The following MEF2A variants were observed in gnomAD, a reference collection of about 807,000 sequenced individuals.
MEF2A encodes myocyte-specific enhancer factor 2A.
Under a neutral mutation model 55.8 loss-of-function variants are expected in MEF2A, and 28 were observed. That is an observed-to-expected ratio of 0.50 (90% confidence interval 0.37 to 0.69). The LOEUF (loss-of-function observed/expected upper bound fraction) is 0.69, where lower values mean the gene tolerates loss of function less well. MEF2A is among the 30% of genes least tolerant of loss of function. The pLI, the probability that MEF2A is intolerant of heterozygous loss-of-function variation, is 0.00. For missense variants in MEF2A, 528 were observed against 626.2 expected (o/e 0.84, Z 1.67); for synonymous variants, 239 against 227.1 (o/e 1.05, Z -0.47).
chr15:99,634,654 A>G (rs1259167831), intron 3 of MEF2A, among the ~76,000 whole-genome samples: 3 of 152,226 alleles, frequency 2.0e-5, no homozygotes, highest in Admixed American at 6.5e-5. Flanking sequence ...TCACATTTGT[A>G]GAGAGAAAGA....
At chr15:99,685,465 G>A (rs2054047936) in intron 7 of MEF2A, among the ~76,000 whole-genome samples, 1 of 151,502 alleles carries the variant, frequency 6.6e-6, no homozygotes, top group Non-Finnish European at 1.5e-5. Flanking sequence ...GTTGCAAAAA[G>A]CGTTGAGTTC....
At chr15:99,613,297 G>T (rs1396854713) in intron 2 of MEF2A, among the ~76,000 whole-genome samples, 1 of 152,114 alleles carries the variant, frequency 6.6e-6, no homozygotes, top group Non-Finnish European at 1.5e-5. Flanking sequence ...GTTGAATCCG[G>T]TGTTCTTTTA....
chr15:99,671,607 A>T, intron 5 of MEF2A, 153 bp downstream of exon 5: 1 of 1,596,052 alleles, frequency 6.3e-7, no homozygotes, highest in Non-Finnish European at 8.5e-7. Flanking sequence ...AGAAAAATAT[A>T]AAAAAATTAA....
intron 1 of MEF2A, among the ~76,000 whole-genome samples, chr15:99,595,923 G>A (rs556853028): frequency 6.6e-6 from 1 of 152,296 alleles, no homozygotes; most frequent in African/African-American, 2.4e-5. Flanking sequence ...AGCAATTAGA[G>A]GACCAGGCTG....
intron 9 of MEF2A, among the ~76,000 whole-genome samples, chr15:99,704,149 T>C (rs763621959): frequency 6.6e-6 from 1 of 152,214 alleles, no homozygotes; most frequent in Non-Finnish European, 1.5e-5. Flanking sequence ...CTTGAAAATG[T>C]TTCTTAGCAT....
chr15:99,666,613 A>AATAATAAT (rs1567374738), intron 4 of MEF2A, among the ~76,000 whole-genome samples: 2 of 91,904 alleles, frequency 2.2e-5, no homozygotes, highest in Non-Finnish European at 5.6e-5. Flanking sequence ...ATAATAATAA[A>AATAATAAT]AAGATCAGCA....
intron 1 of MEF2A, among the ~76,000 whole-genome samples, chr15:99,573,084 C>T (rs147065809): frequency 1.5e-4 from 23 of 152,110 alleles, no homozygotes; most frequent in African/African-American, 4.8e-4. Context: ...GTCAGGAGAT[C>T]GAGACCATCC....
intron 1 of MEF2A, among the ~76,000 whole-genome samples, chr15:99,594,209 G>A (rs916527936): frequency 9.2e-5 from 14 of 152,146 alleles, no homozygotes; most frequent in African/African-American, 3.4e-4. Context: ...TGTAAATCAG[G>A]GGTTCTCACT....
At chr15:99,646,994 A>G (rs1446875722) in intron 4 of MEF2A, among the ~76,000 whole-genome samples, 1 of 152,098 alleles carries the variant, frequency 6.6e-6, no homozygotes, top group Non-Finnish European at 1.5e-5. Flanking sequence ...CCTCCCCTGA[A>G]TTGTATATGA....
chr15:99,588,576 G>A (rs1968191831), intron 1 of MEF2A, among the ~76,000 whole-genome samples: 1 of 151,766 alleles, frequency 6.6e-6, no homozygotes, highest in South Asian at 2.1e-4. Flanking sequence ...AAAGTGCTAG[G>A]ATTACAGGTG....
At chr15:99,660,251 G>A (rs1387114644) in intron 4 of MEF2A, among the ~76,000 whole-genome samples, 3 of 152,152 alleles carry the variant, frequency 2.0e-5, no homozygotes, top group Non-Finnish European at 2.9e-5. Flanking sequence ...GCCCAGGCTG[G>A]AGTGCAATGG....
Position 99,710,651 on chromosome 15 carries a change from G to C in MEF2A, c.1027G>C (p.Ala343Pro). 2 of 1,613,318 alleles carry C rather than the reference G, an allele frequency of 1.2e-6. No individual in the cohort carries two copies. Among genetic ancestry groups the C allele is most frequent in the Non-Finnish European group, 1.7e-6 (2 of 1,179,312 alleles). ...CTTTGTAGATTATTCACTGACCAGC[G>C]CTGACCTGTCAGCCCTTCAAGGCTT... is the stretch of plus-strand genomic sequence containing the variant. ...AYNTDYSLTS[A>P]DLSALQGFNS... The change falls in exon 11 of 12, where the codon GCT (alanine) becomes CCT (proline). Residue 343 changes from alanine (A) to proline (P), a missense_variant. Ala to Pro is a conservative substitution (Grantham distance 27). Transcript: ENST00000557942.
At chr15:99,668,469 G>C (rs1401633379) in intron 4 of MEF2A, among the ~76,000 whole-genome samples, 1 of 152,156 alleles carries the variant, frequency 6.6e-6, no homozygotes, top group East Asian at 1.9e-4. Context: ...AAGTTTGTTG[G>C]AATGGCATTG....
At chr15:99,567,528 G>A (rs990710151) in intron 1 of MEF2A, among the ~76,000 whole-genome samples, 13 of 152,010 alleles carry the variant, frequency 8.6e-5, no homozygotes, top group Admixed American at 6.6e-4. Flanking sequence ...AAACAAAATA[G>A]TTCTTTTTTA....
At chr15:99,673,069 C>T (rs1199357334) in intron 5 of MEF2A, among the ~76,000 whole-genome samples, 1 of 152,140 alleles carries the variant, frequency 6.6e-6, no homozygotes, top group African/African-American at 2.4e-5. Flanking sequence ...TGGAACGGTC[C>T]TTTTCCCCTT....
intron 2 of MEF2A, among the ~76,000 whole-genome samples, chr15:99,614,263 C>CT (rs925616791): frequency 1.1e-4 from 17 of 151,504 alleles, no homozygotes; most frequent in East Asian, 3.9e-4. Flanking sequence ...AGAATAACTT[C>CT]TTTTTTTTTG....
chr15:99,602,154 G>A (rs1278833320), intron 2 of MEF2A, among the ~76,000 whole-genome samples: 2 of 152,160 alleles, frequency 1.3e-5, no homozygotes, highest in Non-Finnish European at 2.9e-5. Context: ...AAGCTTTAGA[G>A]CAGGAATGAA....
chr15:99,657,209 A>G (rs1463068017), intron 4 of MEF2A, among the ~76,000 whole-genome samples: 2 of 151,540 alleles, frequency 1.3e-5, no homozygotes. Flanking sequence ...ATAAGTTTTC[A>G]CTTCTCTTGG....
intron 2 of MEF2A, among the ~76,000 whole-genome samples, chr15:99,616,633 T>G (rs957904098): frequency 1.3e-5 from 2 of 152,142 alleles, no homozygotes; most frequent in Non-Finnish European, 2.9e-5. Flanking sequence ...CTGTTTTCAG[T>G]AAGCCCTTTG....
Sources: gnomAD v4.1 joint callset for allele counts (sites outside exome capture counted in the v4.1 genomes callset) on GRCh38, gnomAD v4.1.1 for gene constraint, MANE v1.5 for transcripts, NCBI Gene and HGNC (gene_info 2026-07-23, HGNC 2026-07-21) for gene names.